The following ERC2 variants were observed in gnomAD, a reference collection of about 807,000 sequenced individuals.
The protein encoded by ERC2 is ERC protein 2.
A neutral mutation model predicts 114.8 loss-of-function variants in ERC2; 42 were observed. That is an observed-to-expected ratio of 0.37 (90% CI 0.29 to 0.47). ERC2 has a LOEUF of 0.47. Among genes scored for constraint, ERC2 ranks in the 20% least tolerant of loss-of-function variants. The pLI, the probability that ERC2 is intolerant of heterozygous loss-of-function variation, is 0.99. For synonymous variants in ERC2, 454 were observed against 425.5 expected (o/e 1.07, Z -0.82); for missense variants, 939 against 1,150.7 (o/e 0.82, Z 2.66).
At chr3:55,891,692 G>A (rs1224669867) in intron 13 of ERC2, among the ~76,000 whole-genome samples, 3 of 151,852 alleles carry the variant, frequency 2.0e-5, no homozygotes, top group South Asian at 2.1e-4. Context: ...TGATCCACCC[G>A]CCTTGGCCTC....
intron 3 of ERC2, among the ~76,000 whole-genome samples, chr3:56,209,239 C>G (rs1046975388): frequency 3.3e-5 from 5 of 152,122 alleles, no homozygotes; most frequent in African/African-American, 1.2e-4. Context: ...TGAATCTGCA[C>G]CCCTGCTCCA....
intron 17 of ERC2, among the ~76,000 whole-genome samples, chr3:55,631,937 T>A (rs531226763): frequency 1.0e-3 from 158 of 152,370 alleles, no homozygotes; most frequent in Non-Finnish European, 1.7e-3. Flanking sequence ...TCAGCCCTCT[T>A]ATCATCTCCC....
chr3:56,179,634 G>T (rs760589917), intron 3 of ERC2, among the ~76,000 whole-genome samples: 9 of 152,138 alleles, frequency 5.9e-5, no homozygotes, highest in Non-Finnish European at 1.3e-4. Context: ...TTGGCTTCCT[G>T]ATAGATTGCC....
chr3:55,989,264 C>A (rs2149520205), intron 11 of ERC2, among the ~76,000 whole-genome samples: 1 of 152,360 alleles, frequency 6.6e-6, no homozygotes. Context: ...TGCTTTAATG[C>A]ATTCCATATT....
chr3:56,109,560 T>C (rs1462978302), intron 6 of ERC2, among the ~76,000 whole-genome samples: 1 of 152,132 alleles, frequency 6.6e-6, no homozygotes, highest in Non-Finnish European at 1.5e-5. Context: ...AAAGTTAAAC[T>C]GGTTACACGA....
At chr3:56,305,363 C>A (rs2056150461) in intron 2 of ERC2, among the ~76,000 whole-genome samples, 1 of 151,762 alleles carries the variant, frequency 6.6e-6, no homozygotes, top group Non-Finnish European at 1.5e-5. Context: ...GAAAAATGCA[C>A]AAAAGAAATG....
At chr3:56,151,889 T>A (rs1560264821) in intron 4 of ERC2, among the ~76,000 whole-genome samples, 1 of 152,226 alleles carries the variant, frequency 6.6e-6, no homozygotes, top group African/African-American at 2.4e-5. Context: ...AAGTGGAGTT[T>A]CAGAAAGTAA....
chr3:56,434,922 T>C lies in ERC2; in HGVS notation c.86A>G (p.His29Arg). ...PRLPRSPRLG[H>R]RRTSSGGGGG... ...ACCTCCCCCACTACTTGTTCTTCGG[T>C]GGCCCAAACGAGGAGACCTTGGCAA... The change falls in exon 2 of 18, where the codon CAC (histidine) becomes CGC (arginine). Residue 29 changes from histidine to arginine, a missense_variant. His to Arg is a conservative substitution (Grantham distance 29, BLOSUM62 0). Transcript: ENST00000288221. 6.2e-7 allele frequency: 1 copy of C among 1,613,846 alleles called. No homozygotes were observed. The highest frequency in any genetic ancestry group is 2.2e-5 in the East Asian group (1 of 44,864).
At chr3:56,270,728 C>T (rs1470408339) in intron 3 of ERC2, among the ~76,000 whole-genome samples, 1 of 152,182 alleles carries the variant, frequency 6.6e-6, no homozygotes, top group South Asian at 2.1e-4. Context: ...GCCTGTAATC[C>T]CAGCACTTTG....
chr3:56,042,738 C>T (rs2075261660), intron 7 of ERC2, among the ~76,000 whole-genome samples: 1 of 152,050 alleles, frequency 6.6e-6, no homozygotes, highest in African/African-American at 2.4e-5. Context: ...TCCCAATTCT[C>T]GGTGCTTAAC....
At position 55,556,372 on chromosome 3, in the gene ERC2, C is replaced by T. The variant is rs139097350; in HGVS notation, c.*40-45096G>A. 2.6e-5 allele frequency among the ~76,000 whole-genome samples: 4 copies of T among 152,294 alleles called. No individual in the cohort carries two copies. In the East Asian group the frequency reaches 5.8e-4, roughly 22 times the overall value. On this transcript the variant is annotated intron_variant, in intron 17 of 17. Transcript: ENST00000288221. ...GAGTCACGTTACTGCCTGCTAGGCA[C>T]GGGGTTTTGCTCCACAGCCCCCATT... is the stretch of plus-strand genomic sequence containing the variant.
rs1181591156 is a variant in ERC2, at chr3:56,389,009, T to C, written c.657+45342A>G. Reference sequence around the variant, plus strand: ...ATTATGGAGCAAAGCATTCAGAGTATTAGGAGTACCAAAAAAAAAGAGTAC... The same window carrying C: ...ATTATGGAGCAAAGCATTCAGAGTACTAGGAGTACCAAAAAAAAAGAGTAC... On this transcript the variant is annotated intron_variant, in intron 2 of 17. Coordinates refer to ENST00000288221, the MANE Select transcript of ERC2 (RefSeq NM_015576.3). 2.0e-5 allele frequency among the ~76,000 whole-genome samples: 3 copies of C among 152,232 alleles called. No individual in the cohort carries two copies. The East Asian group carries it at 5.8e-4, about 29-fold the overall frequency.
chr3:55,516,092 C>T (rs560785429), intron 17 of ERC2, among the ~76,000 whole-genome samples: 15 of 152,176 alleles, frequency 9.9e-5, no homozygotes, highest in Non-Finnish European at 2.2e-4. Flanking sequence ...ACACGCTGCA[C>T]GTGGTGCCCA....
At chr3:55,561,113 C>G (rs2055986923) in intron 17 of ERC2, among the ~76,000 whole-genome samples, 1 of 149,950 alleles carries the variant, frequency 6.7e-6, no homozygotes, top group African/African-American at 2.5e-5. Context: ...GATGTCGGCA[C>G]AGTCACAGCA....
Position 56,198,357 on chromosome 3 carries a change from G to T in ERC2, c.1075-24837C>A, listed in dbSNP as rs141516641. ...GAATAGTCACAGAGGCAGTGTAAGG[G>T]TTTAAGATGGGTAGGACATGATCAA... On this transcript the variant is annotated intron_variant, in intron 3 of 17. Coordinates refer to ENST00000288221, the MANE Select transcript of ERC2 (RefSeq NM_015576.3). Among the ~76,000 whole-genome samples, 32 of 152,308 alleles carry T rather than the reference G, an allele frequency of 2.1e-4. No homozygotes were observed. In the East Asian group the frequency reaches 6.0e-3, roughly 28 times the overall value.
At chr3:55,614,820 G>A (rs1452056635) in intron 17 of ERC2, among the ~76,000 whole-genome samples, 1 of 152,142 alleles carries the variant, frequency 6.6e-6, no homozygotes, top group East Asian at 1.9e-4. Context: ...CACCCACCTA[G>A]CCAACAGCAA....
chr3:56,149,565 C>T (rs1388574781), intron 4 of ERC2, among the ~76,000 whole-genome samples: 4 of 152,084 alleles, frequency 2.6e-5, no homozygotes, highest in African/African-American at 7.2e-5. Flanking sequence ...TTTTATAAGG[C>T]ATGTTTGGAA....
intron 3 of ERC2, among the ~76,000 whole-genome samples, chr3:56,289,526 T>A (rs1266270307): frequency 6.6e-6 from 1 of 152,156 alleles, no homozygotes; most frequent in African/African-American, 2.4e-5. Context: ...CCCTCAGTGA[T>A]CTGAGACCAA....
At chr3:56,091,478 T>C (rs2077786188) in intron 6 of ERC2, among the ~76,000 whole-genome samples, 1 of 152,020 alleles carries the variant, frequency 6.6e-6, no homozygotes, top group Non-Finnish European at 1.5e-5. Context: ...GAAAAGCAAA[T>C]GGCTATATGA....
Sources: gnomAD v4.1 joint callset for allele counts (sites outside exome capture counted in the v4.1 genomes callset) on GRCh38, gnomAD v4.1.1 for gene constraint, MANE v1.5 for transcripts, NCBI Gene and HGNC (gene_info 2026-07-23, HGNC 2026-07-21) for gene names.